AGFG2: variants seen among roughly 807,000 people sequenced by gnomAD.
The protein encoded by AGFG2 is arf-GAP domain and FG repeat-containing protein 2.
AGFG2 carries 31 observed loss-of-function variants against 48.0 expected under a neutral mutation model. The observed-to-expected ratio is 0.65, with a 90% CI of 0.49 to 0.87. AGFG2 has a LOEUF of 0.87. Among genes scored for constraint, AGFG2 ranks in the 40% least tolerant of loss-of-function variants. The pLI is 0.00. For missense variants in AGFG2, 599 were observed against 632.6 expected, an observed-to-expected ratio of 0.95 and a Z score of 0.57; for synonymous variants, 229 against 260.8, an observed-to-expected ratio of 0.88 and a Z score of 1.18.
chr7:100,554,283 C>T (rs776784932), intron 5 of AGFG2, 25 bp downstream of exon 5: 1 of 1,600,774 alleles, frequency 6.2e-7, no homozygotes. Flanking sequence ...GGATGGGACC[C>T]TCCCTACAGC....
At chr7:100,556,700 C>T (rs1584388298) in intron 6 of AGFG2, 1 of 1,218,062 alleles carries the variant, frequency 8.2e-7, no homozygotes, top group Non-Finnish European at 1.1e-6. Context: ...GGAAGGAACC[C>T]TTAAAATTTG....
intron 6 of AGFG2, chr7:100,556,754 C>A: frequency 2.9e-6 from 2 of 698,042 alleles, no homozygotes; most frequent in Non-Finnish European, 4.2e-6. Flanking sequence ...CCTAGTCATG[C>A]AGGCCACAGA....
intron 1 of AGFG2, among the ~76,000 whole-genome samples, chr7:100,540,141 T>G: frequency 6.8e-6 from 1 of 148,078 alleles, no homozygotes. Flanking sequence ...AAAAAGCGAA[T>G]TAACCCCGAT....
intron 1 of AGFG2, among the ~76,000 whole-genome samples, chr7:100,545,543 TGGCTGGA>T (rs987686173): frequency 7.2e-5 from 11 of 152,218 alleles, no homozygotes; most frequent in African/African-American, 2.7e-4. Context: ...ACAACCTGAC[TGGCTGGA>T]GGCTTGAGTC....
chr7:100,539,769 G>A (rs1267254695), intron 1 of AGFG2, among the ~76,000 whole-genome samples: 1 of 152,042 alleles, frequency 6.6e-6, no homozygotes, highest in Non-Finnish European at 1.5e-5. Flanking sequence ...AGGAAGCAAG[G>A]CCGGAGTCGC....
Position 100,555,609 on chromosome 7 carries a change from G to A in AGFG2, c.752-1G>A, listed in dbSNP as rs1189404193. 1 of 1,613,206 alleles carries A rather than the reference G, an allele frequency of 6.2e-7. No homozygotes were observed. Among genetic ancestry groups the A allele is most frequent in the Admixed American group, 1.7e-5 (1 of 59,962 alleles). On this transcript the variant is annotated splice_acceptor_variant, in intron 5 of 11. Transcript: ENST00000300176. LOFTEE classifies it high-confidence loss of function. The stretch of plus-strand genomic sequence containing the variant: ...AACCTTTATGTTTCTTCCACCTACA[G>A]GCCAGACACCTTCCCAAGGAGGCTT...
chr7:100,558,565 G>A (rs376490877), intron 6 of AGFG2, among the ~76,000 whole-genome samples: 217 of 148,180 alleles, frequency 1.5e-3, no homozygotes, highest in African/African-American at 3.6e-3. Context: ...TTTTTTAGAC[G>A]GAGTCTCACT....
intron 1 of AGFG2, among the ~76,000 whole-genome samples, chr7:100,547,044 C>G (rs1800523878): frequency 6.6e-6 from 1 of 152,158 alleles, no homozygotes. Flanking sequence ...TTGCTGCAAA[C>G]AGCGTCAACT....
At chr7:100,561,257 G>A (rs555491897) in intron 6 of AGFG2, among the ~76,000 whole-genome samples, 1 of 151,674 alleles carries the variant, frequency 6.6e-6, no homozygotes, top group African/African-American at 2.4e-5. Context: ...CTCCGAAGTA[G>A]CTGGGATTAC....
intron 1 of AGFG2, among the ~76,000 whole-genome samples, chr7:100,545,053 T>C (rs1003875337): frequency 6.6e-6 from 1 of 152,146 alleles, no homozygotes; most frequent in African/African-American, 2.4e-5. Flanking sequence ...AGATAAGAGC[T>C]AAACTGGTTT....
At chr7:100,547,212 C>T (rs1800529438) in intron 1 of AGFG2, among the ~76,000 whole-genome samples, 2 of 144,138 alleles carry the variant, frequency 1.4e-5, no homozygotes, top group Non-Finnish European at 3.0e-5. Context: ...CTGCTGTTCT[C>T]CCAGACTTGG....
At chr7:100,558,330 G>A (rs1047398112) in intron 6 of AGFG2, among the ~76,000 whole-genome samples, 3 of 152,196 alleles carry the variant, frequency 2.0e-5, no homozygotes, top group African/African-American at 7.2e-5. Context: ...ATAATGGCCA[G>A]TATTATGTGG....
chr7:100,558,362 G>C (rs1038894265), intron 6 of AGFG2, among the ~76,000 whole-genome samples: 7 of 152,188 alleles, frequency 4.6e-5, no homozygotes, highest in African/African-American at 1.7e-4. Context: ...CTTCTTGTGC[G>C]CTGTTGGCAG....
chr7:100,544,634 C>T (rs1451215119), intron 1 of AGFG2, among the ~76,000 whole-genome samples: 1 of 147,976 alleles, frequency 6.8e-6, no homozygotes, highest in Admixed American at 7.1e-5. Context: ...CACTAAATTA[C>T]AGATGTAGGT....
In AGFG2 at chr7:100,562,455, A is replaced by G. The variant is rs1380265777; in HGVS notation, c.998+76A>G. The G allele has an allele frequency of 6.2e-7, 1 of 1,603,028 alleles. No individual in the cohort carries two copies. Among genetic ancestry groups the G allele is most frequent in the East Asian group, 2.2e-5 (1 of 44,638 alleles). ...GCCTGGCCATGTTCCTCCCAGCCCCATCGGCATCTCCTGGCAGTTCTCCCC... is the reference window on the plus strand; with the variant it reads ...GCCTGGCCATGTTCCTCCCAGCCCCGTCGGCATCTCCTGGCAGTTCTCCCC... On this transcript the variant is annotated intron_variant, in intron 7 of 11. Coordinates refer to ENST00000300176, the MANE Select transcript of AGFG2 (RefSeq NM_006076.5). This position sits in a 1 kb window ranked among gnomAD's most constrained non-coding sequence, Gnocchi z 5.4.
chr7:100,559,818 C>CAA (rs199577248), intron 6 of AGFG2, among the ~76,000 whole-genome samples: 1,722 of 97,430 alleles, frequency 0.018, 26 homozygotes, highest in African/African-American at 0.063. Context: ...GACCCTGTCT[C>CAA]AAAAAAAAAA....
rs575338056 is a variant in AGFG2, at chr7:100,563,790, A to G, written c.1172-44A>G. 1.0e-5 allele frequency: 16 copies of G among 1,605,690 alleles called. No homozygotes were observed. In the South Asian group the frequency reaches 1.6e-4, roughly 17 times the overall value. ...CTTAGGAAAAACAGTTCTCCAGCCC[A>G]CCTTCCAGAAGTTCACCTGAGCCTC... On this transcript the variant is annotated intron_variant, in intron 9 of 11. Transcript: ENST00000300176.
chr7:100,564,362 C>A, intron 11 of AGFG2, 59 bp downstream of exon 11: 2 of 1,533,806 alleles, frequency 1.3e-6, no homozygotes, highest in Admixed American at 3.7e-5. Flanking sequence ...CTGGGACAAT[C>A]CTTCCAGAAG....
intron 6 of AGFG2, among the ~76,000 whole-genome samples, chr7:100,557,312 A>G (rs1261133859): frequency 2.6e-5 from 4 of 152,240 alleles, no homozygotes; most frequent in Non-Finnish European, 5.9e-5. Flanking sequence ...ACACAATCAG[A>G]ATTTAATAAG....
Sources: allele counts gnomAD v4.1 joint callset (sites outside exome capture counted in the v4.1 genomes callset), GRCh38; gene constraint gnomAD v4.1.1; non-coding constraint Gnocchi (gnomAD v3.1); transcripts MANE v1.5; gene names NCBI Gene and HGNC (gene_info 2026-07-23, HGNC 2026-07-21).